The following MKLN1 variants were observed in gnomAD, a reference collection of about 807,000 sequenced individuals.
The protein encoded by MKLN1 is muskelin 1, also known as muskelin.
MKLN1 carries 18 observed loss-of-function variants against 99.0 expected under a neutral mutation model. The ratio of observed to expected loss-of-function variants is 0.18; its 90% CI spans 0.13 to 0.27. MKLN1 has a LOEUF of 0.27. Ranked by LOEUF, MKLN1 falls within the 10% of genes least tolerant of loss-of-function variation. The pLI is 1.00. For missense variants in MKLN1, 621 were observed against 875.9 expected, an observed-to-expected ratio of 0.71 and a Z score of 3.67; for synonymous variants, 288 against 293.2, an observed-to-expected ratio of 0.98 and a Z score of 0.18.
chr7:131,293,069 A>T (rs189343328), intron 3 of MKLN1, among the ~76,000 whole-genome samples: 1 of 152,314 alleles, frequency 6.6e-6, no homozygotes, highest in East Asian at 1.9e-4. Context: ...TGCCAACATA[A>T]TGCAGTTGAA....
intron 1 of MKLN1, among the ~76,000 whole-genome samples, chr7:131,345,887 T>C (rs185146359): frequency 4.1e-4 from 62 of 152,206 alleles, no homozygotes; most frequent in Non-Finnish European, 7.1e-4. Flanking sequence ...GTTTTTAATA[T>C]ATTGTTTTGG....
At chr7:131,276,741 A>T (rs905974343) in intron 3 of MKLN1, among the ~76,000 whole-genome samples, 1 of 152,200 alleles carries the variant, frequency 6.6e-6, no homozygotes, top group East Asian at 1.9e-4. Flanking sequence ...TTTGGGGGTC[A>T]TTTGTTCTCG....
chr7:131,463,932 A>G (rs1208626105), intron 13 of MKLN1, among the ~76,000 whole-genome samples: 1 of 152,176 alleles, frequency 6.6e-6, no homozygotes, highest in Non-Finnish European at 1.5e-5. Flanking sequence ...GGAATTTATT[A>G]TTTTCTAAAT....
chr7:131,485,878 T>C (rs1017838406), intron 17 of MKLN1, among the ~76,000 whole-genome samples: 29 of 152,056 alleles, frequency 1.9e-4, no homozygotes, highest in Non-Finnish European at 4.0e-4. Flanking sequence ...GGATTTTAGA[T>C]TAGTAGGAAA....
At chr7:131,374,835 AATG>A (rs1793590238) in intron 1 of MKLN1, among the ~76,000 whole-genome samples, 1 of 152,082 alleles carries the variant, frequency 6.6e-6, no homozygotes, top group African/African-American at 2.4e-5. Flanking sequence ...TGTAATATAT[AATG>A]TAACAATATG....
At chr7:131,352,540 G>T (rs1799750395) in intron 1 of MKLN1, among the ~76,000 whole-genome samples, 1 of 151,712 alleles carries the variant, frequency 6.6e-6, no homozygotes. Context: ...AGTTGAAAAT[G>T]TTTCCCAGTA....
At chr7:131,314,403 GGGA>G (rs1798625046) in intron 3 of MKLN1, among the ~76,000 whole-genome samples, 1 of 152,080 alleles carries the variant, frequency 6.6e-6, no homozygotes, top group Admixed American at 6.6e-5. Flanking sequence ...GCAGAGAGAT[GGGA>G]GGAGGTTGAA....
intron 2 of MKLN1, among the ~76,000 whole-genome samples, chr7:131,191,717 C>CTTT (rs566378729): frequency 2.2e-5 from 3 of 137,838 alleles, no homozygotes; most frequent in Admixed American, 7.5e-5. Context: ...CTTTTTTTTC[C>CTTT]TTTTTTTTTT....
chr7:131,476,645 T>G (rs1485407618), intron 16 of MKLN1, among the ~76,000 whole-genome samples: 1 of 152,244 alleles, frequency 6.6e-6, no homozygotes, highest in Non-Finnish European at 1.5e-5. Flanking sequence ...TAAAAATTGT[T>G]TAAAGCTGCC....
intron 3 of MKLN1, among the ~76,000 whole-genome samples, chr7:131,208,754 A>G (rs1796855767): frequency 6.6e-6 from 1 of 152,236 alleles, no homozygotes; most frequent in Non-Finnish European, 1.5e-5. Flanking sequence ...TGCTAGGAAT[A>G]CGACAGCAAA....
Position 131,411,249 on chromosome 7 carries a change from T to C in MKLN1, c.704-57T>C, listed in dbSNP as rs865978001. ...CCTTTTAAATTTTAATTTTTTTCTA[T>C]AATAAATAATGTAAGTAGTTAAGGT... is the stretch of plus-strand genomic sequence containing the variant. On this transcript the variant is annotated intron_variant, in intron 6 of 17. Transcript: ENST00000352689. The C allele has an allele frequency of 2.9e-6, 3 of 1,044,154 alleles. No individual in the cohort carries two copies. In the Middle Eastern group the frequency reaches 8.8e-4, roughly 307 times the overall value. The allele number at this position is 1,044,154 out of a possible 1,614,324, so 64.7% of individuals were successfully genotyped here.
intron 1 of MKLN1, among the ~76,000 whole-genome samples, chr7:131,329,170 T>C (rs1179072244): frequency 6.6e-6 from 1 of 152,260 alleles, no homozygotes; most frequent in African/African-American, 2.4e-5. Context: ...TCTTCACATT[T>C]ATCCAAATTT....
chr7:131,114,570 T>C (rs1461511217), intron 1 of MKLN1, among the ~76,000 whole-genome samples: 1 of 151,928 alleles, frequency 6.6e-6, no homozygotes, highest in Non-Finnish European at 1.5e-5. Context: ...TCCCAAGAGG[T>C]AGGAGGACCA....
intron 6 of MKLN1, 47 bp downstream of exon 6, chr7:131,399,480 G>A: frequency 6.6e-7 from 1 of 1,513,646 alleles, no homozygotes; most frequent in Non-Finnish European, 9.0e-7. Context: ...GTACATACGG[G>A]AAACTTTTTC....
At chr7:131,113,225 A>G (rs1290175954) in intron 1 of MKLN1, among the ~76,000 whole-genome samples, 1 of 152,238 alleles carries the variant, frequency 6.6e-6, no homozygotes, top group African/African-American at 2.4e-5. Flanking sequence ...AAGGATAAGT[A>G]GAAGTAAGCC....
At chr7:131,120,560 A>AAAG (rs951730161) in intron 1 of MKLN1, among the ~76,000 whole-genome samples, 6 of 145,866 alleles carry the variant, frequency 4.1e-5, no homozygotes, top group Admixed American at 6.7e-5. Context: ...AAAAAAAAAA[A>AAAG]AAAAAGAAAA....
intron 11 of MKLN1, 48 bp downstream of exon 11, chr7:131,443,750 C>A: frequency 2.3e-6 from 3 of 1,329,706 alleles, no homozygotes; most frequent in Non-Finnish European, 1.1e-6. Flanking sequence ...TCATGTATAT[C>A]TAGATAGGAA....
chr7:131,408,090 C>T (rs543296819), intron 6 of MKLN1, among the ~76,000 whole-genome samples: 4 of 151,762 alleles, frequency 2.6e-5, no homozygotes, highest in South Asian at 2.1e-4. Context: ...TTGTTATTTC[C>T]GTCTAATATA....
intron 3 of MKLN1, among the ~76,000 whole-genome samples, chr7:131,280,365 G>A (rs1798033427): frequency 6.6e-6 from 1 of 152,188 alleles, no homozygotes. Context: ...CGTATGTTCA[G>A]CATTTTGAGG....
Sources: gnomAD v4.1 joint callset for allele counts (sites outside exome capture counted in the v4.1 genomes callset) on GRCh38, gnomAD v4.1.1 for gene constraint, MANE v1.5 for transcripts, NCBI Gene and HGNC (gene_info 2026-07-23, HGNC 2026-07-21) for gene names.